RCAN2: variants seen among roughly 807,000 people sequenced by gnomAD.
RCAN2 encodes the protein regulator of calcineurin 2, also known as calcipressin-2.
Under a neutral mutation model 23.6 loss-of-function variants are expected in RCAN2, and 9 were observed. The ratio of observed to expected loss-of-function variants is 0.38; its 90% CI spans 0.23 to 0.67. RCAN2 has a LOEUF of 0.67. RCAN2 is among the 30% of genes least tolerant of loss of function. The pLI is 0.51. For missense variants in RCAN2, 273 were observed against 302.3 expected (o/e 0.90, Z 0.72); for synonymous variants, 109 against 115.7 (o/e 0.94, Z 0.37).
At chr6:46,486,223 C>T (rs79130603) in intron 1 of RCAN2, among the ~76,000 whole-genome samples, 9,873 of 152,220 alleles carry the variant, frequency 0.065, 421 homozygotes, top group East Asian at 0.14. Flanking sequence ...GCTTATTCCC[C>T]CTGATCCTCA....
At position 46,456,762 on chromosome 6, in the gene RCAN2, TCTC is replaced by T; in HGVS notation, c.212_214del (p.Gly71del). On this transcript the variant is annotated inframe_deletion, in exon 2 of 5. Coordinates refer to ENST00000371374, the MANE Select transcript of RCAN2 (RefSeq NM_001251974.2). Reference sequence around the variant, plus strand: ...AAAAAGGCAGCTTACCTTGCTCTCTTCTCCTTCAAACACTGACTGGTGAACATT... The same window carrying T: ...AAAAAGGCAGCTTACCTTGCTCTCTTCTTCAAACACTGACTGGTGAACATT... The T allele has an allele frequency of 6.4e-7, 1 of 1,550,438 alleles. No individual in the cohort carries two copies. Among genetic ancestry groups the T allele is most frequent in the Non-Finnish European group, 8.7e-7 (1 of 1,146,602 alleles).
At chr6:46,281,923 C>T (rs1273660842) in intron 2 of RCAN2, among the ~76,000 whole-genome samples, 2 of 152,146 alleles carry the variant, frequency 1.3e-5, no homozygotes, top group Non-Finnish European at 2.9e-5. Flanking sequence ...TTTTCTCTAG[C>T]ATCCATTAAC....
At chr6:46,452,891 C>T (rs892293969) in intron 2 of RCAN2, among the ~76,000 whole-genome samples, 3 of 152,106 alleles carry the variant, frequency 2.0e-5, no homozygotes, top group Non-Finnish European at 2.9e-5. Flanking sequence ...ACCTATGTAA[C>T]AAAACCTGCA....
intron 2 of RCAN2, among the ~76,000 whole-genome samples, chr6:46,287,452 C>T (rs931681862): frequency 3.3e-5 from 5 of 152,116 alleles, no homozygotes; most frequent in Admixed American, 2.0e-4. Flanking sequence ...TCTCTTTTTC[C>T]CTCTGTGCTA....
At chr6:46,427,631 C>A (rs559563511) in intron 2 of RCAN2, among the ~76,000 whole-genome samples, 34 of 152,150 alleles carry the variant, frequency 2.2e-4, no homozygotes, top group Non-Finnish European at 4.3e-4. Flanking sequence ...CACTAATGAA[C>A]ATTCTCATTG....
intron 2 of RCAN2, among the ~76,000 whole-genome samples, chr6:46,357,664 T>C (rs918590044): frequency 1.3e-5 from 2 of 152,164 alleles, no homozygotes; most frequent in African/African-American, 2.4e-5. Flanking sequence ...GTTTTAGAGA[T>C]AGAGGAGCAG....
chr6:46,438,480 A>T (rs1037135810), intron 2 of RCAN2: 1 of 152,228 alleles, frequency 6.6e-6, no homozygotes, highest in Admixed American at 6.6e-5. Flanking sequence ...CACATCATGG[A>T]GCTCAAGGTC....
At chr6:46,224,208 G>A (rs1318647484) in intron 4 of RCAN2, among the ~76,000 whole-genome samples, 2 of 152,304 alleles carry the variant, frequency 1.3e-5, no homozygotes, top group Non-Finnish European at 2.9e-5. Context: ...GGTGGGGTAA[G>A]AGGAGGGGGT....
At chr6:46,285,437 A>G (rs1206843431) in intron 2 of RCAN2, among the ~76,000 whole-genome samples, 1 of 152,136 alleles carries the variant, frequency 6.6e-6, no homozygotes, top group Non-Finnish European at 1.5e-5. Context: ...TTACCTGGAG[A>G]GCTGTTAGCA....
chr6:46,385,302 A>C (rs538667159), intron 2 of RCAN2, among the ~76,000 whole-genome samples: 2 of 152,266 alleles, frequency 1.3e-5, no homozygotes, highest in East Asian at 3.9e-4. Context: ...ACAATACACC[A>C]AGGAACTGCA....
intron 2 of RCAN2, among the ~76,000 whole-genome samples, chr6:46,324,355 A>G (rs1375784066): frequency 1.3e-5 from 2 of 152,264 alleles, no homozygotes; most frequent in East Asian, 3.8e-4. Context: ...CTTGAATGAC[A>G]TAGCCATGTG....
intron 2 of RCAN2, among the ~76,000 whole-genome samples, chr6:46,331,495 G>T (rs1040748207): frequency 6.6e-6 from 1 of 152,114 alleles, no homozygotes; most frequent in East Asian, 1.9e-4. Flanking sequence ...CCCATCTTTA[G>T]CTAGTGGGAG....
chr6:46,485,651 T>C (rs1450022534), intron 1 of RCAN2, among the ~76,000 whole-genome samples: 1 of 152,204 alleles, frequency 6.6e-6, no homozygotes, highest in African/African-American at 2.4e-5. Flanking sequence ...TCACGCTTGA[T>C]GTAAACCCTG....
chr6:46,426,791 G>A (rs1405659524), intron 2 of RCAN2, among the ~76,000 whole-genome samples: 1 of 152,196 alleles, frequency 6.6e-6, no homozygotes, highest in Non-Finnish European at 1.5e-5. Flanking sequence ...CACTTAAAAA[G>A]AGTATAACAC....
chr6:46,400,733 C>T (rs78793395), intron 2 of RCAN2, among the ~76,000 whole-genome samples: 4,858 of 152,186 alleles, frequency 0.032, 248 homozygotes, highest in African/African-American at 0.11. Flanking sequence ...TGGGAGAGAC[C>T]GGGCCCAGAG....
At chr6:46,457,786 C>A (rs1378057800) in intron 1 of RCAN2, among the ~76,000 whole-genome samples, 2 of 152,192 alleles carry the variant, frequency 1.3e-5, no homozygotes, top group Non-Finnish European at 2.9e-5. Context: ...GTGCACAGGT[C>A]CCCGTCCCTC....
intron 2 of RCAN2, among the ~76,000 whole-genome samples, chr6:46,275,890 G>A (rs1014866869): frequency 6.6e-6 from 1 of 152,190 alleles, no homozygotes; most frequent in South Asian, 2.1e-4. Context: ...CACCATTTTA[G>A]TGAGGTGGGT....
intron 1 of RCAN2, among the ~76,000 whole-genome samples, chr6:46,477,026 T>C (rs1262307130): frequency 1.3e-5 from 2 of 152,288 alleles, no homozygotes; most frequent in East Asian, 3.9e-4. Context: ...TTGGATTGCT[T>C]CCAGGTTCCT....
intron 2 of RCAN2, among the ~76,000 whole-genome samples, chr6:46,265,667 G>A (rs1767301001): frequency 6.6e-6 from 1 of 152,164 alleles, no homozygotes; most frequent in South Asian, 2.1e-4. Context: ...CTCTTGATGA[G>A]TGGAACCTGT....
Sources: allele counts gnomAD v4.1 joint callset (sites outside exome capture counted in the v4.1 genomes callset), GRCh38; gene constraint gnomAD v4.1.1; transcripts MANE v1.5; gene names NCBI Gene and HGNC (gene_info 2026-07-23, HGNC 2026-07-21).